The following ZNF536 variants were observed in gnomAD, a reference collection of about 807,000 sequenced individuals.
The protein encoded by ZNF536 is zinc finger protein 536.
In ZNF536, 13 loss-of-function variants were observed where a neutral mutation model predicts 84.5. The observed-to-expected ratio is 0.15, with a 90% CI of 0.10 to 0.24. The LOEUF is 0.24. Ranked by LOEUF, ZNF536 falls within the 10% of genes least tolerant of loss-of-function variation. The pLI, the probability that ZNF536 is intolerant of heterozygous loss-of-function variation, is 1.00. For missense variants in ZNF536, 1,536 were observed against 1,747.5 expected (o/e 0.88, Z 2.16); for synonymous variants, 811 against 742.5 (o/e 1.09, Z -1.50).
intron 2 of ZNF536, among the ~76,000 whole-genome samples, chr19:30,499,663 G>A (rs28716019): frequency 0.021 from 3,273 of 152,274 alleles, 61 homozygotes; most frequent in Non-Finnish European, 0.035. Context: ...GTCTTAATAC[G>A]TTTCAAAATA....
At chr19:30,351,932 C>A (rs1010339625) in intron 2 of ZNF536, among the ~76,000 whole-genome samples, 2 of 152,226 alleles carry the variant, frequency 1.3e-5, no homozygotes, top group Non-Finnish European at 2.9e-5. Context: ...AAAGGGACTT[C>A]CCGCTCCTGC....
intron 2 of ZNF536, among the ~76,000 whole-genome samples, chr19:30,497,634 A>G (rs1387732746): frequency 6.6e-6 from 1 of 152,234 alleles, no homozygotes; most frequent in African/African-American, 2.4e-5. Context: ...AAAAGGAGAA[A>G]GCAAGGGGGT....
chr19:30,610,020 A>T (rs34749358), intron 1 of ZNF536, among the ~76,000 whole-genome samples: 2,162 of 152,220 alleles, frequency 0.014, 88 homozygotes, highest in Admixed American at 0.088. Flanking sequence ...CCATCCATCC[A>T]TCCATGCATT....
intron 1 of ZNF536, among the ~76,000 whole-genome samples, chr19:30,377,915 T>C (rs2048878512): frequency 1.3e-5 from 2 of 152,192 alleles, no homozygotes; most frequent in East Asian, 1.9e-4. Context: ...TTCACCTGCC[T>C]CTGACAGTTG....
At chr19:30,277,289 G>T (rs1440634788) in intron 1 of ZNF536, among the ~76,000 whole-genome samples, 1 of 152,076 alleles carries the variant, frequency 6.6e-6, no homozygotes, top group African/African-American at 2.4e-5. Context: ...GAGCATCTTG[G>T]CTTTTTTTCA....
chr19:30,348,801 T>G (rs1188642809), intron 2 of ZNF536, among the ~76,000 whole-genome samples: 1 of 115,798 alleles, frequency 8.6e-6, no homozygotes, highest in Admixed American at 1.1e-4. Flanking sequence ...TCCATTTTCT[T>G]TTTTTTTCTT....
intron 1 of ZNF536, among the ~76,000 whole-genome samples, chr19:30,405,684 A>T (rs972848023): frequency 6.6e-6 from 1 of 152,156 alleles, no homozygotes; most frequent in African/African-American, 2.4e-5. Context: ...ATCAGTCGCC[A>T]CACCCGAATC....
At chr19:30,458,445 C>CTGTTTT (rs2052962285) in intron 2 of ZNF536, among the ~76,000 whole-genome samples, 1 of 93,668 alleles carries the variant, frequency 1.1e-5, no homozygotes. Flanking sequence ...CAATTTCCTG[C>CTGTTTT]TGTTTTTTTT....
chr19:30,710,247 A>G (rs1173352906), intron 1 of ZNF536, among the ~76,000 whole-genome samples: 1 of 152,218 alleles, frequency 6.6e-6, no homozygotes, highest in Non-Finnish European at 1.5e-5. Context: ...GTCTGGGTTC[A>G]AAACTCTAGC....
rs796984234 is a variant in ZNF536, at chr19:30,414,696, C to T, written c.-2-28865C>T. Among the ~76,000 whole-genome samples, 12 of 152,290 alleles carry T rather than the reference C, an allele frequency of 7.9e-5. 1 individual carries two copies. The highest frequency in any genetic ancestry group is 2.9e-4 in the African/African-American group (12 of 41,564). On this transcript the variant is annotated intron_variant, in intron 1 of 4. Coordinates refer to ENST00000355537, the MANE Select transcript of ZNF536 (RefSeq NM_014717.3). ...AATGATCTGTGATTTTAATTCCAGA[C>T]ATTGTAAAAACCATTATGTACTACC...
intron 1 of ZNF536, among the ~76,000 whole-genome samples, chr19:30,674,498 T>C (rs2050682156): frequency 6.6e-6 from 1 of 152,206 alleles, no homozygotes; most frequent in South Asian, 2.1e-4. Flanking sequence ...TTACTTGACA[T>C]GTGACTGATG....
intron 2 of ZNF536, among the ~76,000 whole-genome samples, chr19:30,518,448 A>T (rs1342809796): frequency 6.6e-6 from 1 of 152,234 alleles, no homozygotes; most frequent in Non-Finnish European, 1.5e-5. Context: ...CCGTGCTCTA[A>T]CACATAGATG....
intron 1 of ZNF536, among the ~76,000 whole-genome samples, chr19:30,430,833 C>A (rs1476023245): frequency 6.6e-6 from 1 of 152,186 alleles, no homozygotes; most frequent in African/African-American, 2.4e-5. Context: ...CGCCACCATG[C>A]CTGGATAATT....
intron 2 of ZNF536, among the ~76,000 whole-genome samples, chr19:30,521,179 G>A (rs889746741): frequency 1.3e-5 from 2 of 152,246 alleles, no homozygotes; most frequent in African/African-American, 4.8e-5. Flanking sequence ...GGAGTCCCTT[G>A]GTGTTTTGAG....
At chr19:30,490,543 C>T (rs1271524778) in intron 2 of ZNF536, among the ~76,000 whole-genome samples, 2 of 152,136 alleles carry the variant, frequency 1.3e-5, no homozygotes, top group African/African-American at 4.8e-5. Flanking sequence ...CTCCCCCTTG[C>T]CACAGAGATA....
intron 1 of ZNF536, among the ~76,000 whole-genome samples, chr19:30,434,807 G>A (rs1484687173): frequency 1.3e-5 from 2 of 152,050 alleles, no homozygotes; most frequent in East Asian, 1.9e-4. Context: ...TGATGGTGAT[G>A]GTGATGATGG....
chr19:30,650,830 TA>T (rs1172832939), intron 1 of ZNF536, among the ~76,000 whole-genome samples: 1 of 152,184 alleles, frequency 6.6e-6, no homozygotes, highest in Non-Finnish European at 1.5e-5. Context: ...AAATATGTGT[TA>T]AAATGATCTG....
At chr19:30,272,633 T>C (rs1291219356) in intron 1 of ZNF536, among the ~76,000 whole-genome samples, 2 of 152,234 alleles carry the variant, frequency 1.3e-5, no homozygotes, top group Non-Finnish European at 2.9e-5. Flanking sequence ...TGTTTAGCCT[T>C]TCCCAGAATG....
intron 2 of ZNF536, among the ~76,000 whole-genome samples, chr19:30,347,896 C>G (rs765402060): frequency 1.2e-4 from 18 of 152,176 alleles, no homozygotes; most frequent in African/African-American, 4.3e-4. Flanking sequence ...GGTGACCAAA[C>G]CCCTAAACAG....
Sources: gnomAD v4.1 joint callset for allele counts (sites outside exome capture counted in the v4.1 genomes callset) on GRCh38, gnomAD v4.1.1 for gene constraint, MANE v1.5 for transcripts, NCBI Gene and HGNC (gene_info 2026-07-23, HGNC 2026-07-21) for gene names.